Variants in ZNF277 observed in about 807,000 individuals in gnomAD.
ZNF277 encodes zinc finger protein 277.
A neutral mutation model predicts 60.7 loss-of-function variants in ZNF277; 55 were observed. The ratio of observed to expected loss-of-function variants is 0.91; its 90% CI spans 0.73 to 1.13. ZNF277 has a LOEUF of 1.13. Ranked by LOEUF, ZNF277 falls within the 50% of genes most tolerant of loss-of-function variation. The pLI is 0.00. For synonymous variants in ZNF277, 178 were observed against 179.3 expected, an observed-to-expected ratio of 0.99 and a Z score of 0.06; for missense variants, 510 against 523.0, an observed-to-expected ratio of 0.98 and a Z score of 0.24.
At chr7:112,238,384 T>C (rs1487466746) in intron 1 of ZNF277, among the ~76,000 whole-genome samples, 1 of 152,124 alleles carries the variant, frequency 6.6e-6, no homozygotes, top group Non-Finnish European at 1.5e-5. Flanking sequence ...GGGGGAACCA[T>C]CCATTCCAGC....
chr7:112,233,836 G>T (rs1822409261), intron 1 of ZNF277, among the ~76,000 whole-genome samples: 1 of 151,982 alleles, frequency 6.6e-6, no homozygotes, highest in Non-Finnish European at 1.5e-5. Flanking sequence ...ACCTTTTCTA[G>T]TTGTATTCTT....
chr7:112,316,068 G>A (rs1446611221), intron 4 of ZNF277, among the ~76,000 whole-genome samples: 1 of 152,152 alleles, frequency 6.6e-6, no homozygotes, highest in African/African-American at 2.4e-5. Flanking sequence ...TTGGCACCAA[G>A]TAGCTATGCA....
chr7:112,264,094 T>G (rs1791493816), intron 1 of ZNF277, among the ~76,000 whole-genome samples: 1 of 152,136 alleles, frequency 6.6e-6, no homozygotes, highest in African/African-American at 2.4e-5. Context: ...GATAGGAGGC[T>G]TCCAGCTCCT....
intron 5 of ZNF277, among the ~76,000 whole-genome samples, chr7:112,320,811 A>G (rs12113149): frequency 0.42 from 61,623 of 146,246 alleles, 15,617 homozygotes; most frequent in African/African-American, 0.72. Flanking sequence ...TTTGCTATTT[A>G]TTTTCAATAT....
chr7:112,223,305 GGT>G lies in ZNF277; in HGVS notation c.91+16503_91+16504del, dbSNP rs568260266. Among the ~76,000 whole-genome samples the G allele has an allele frequency of 1.2e-3, 188 of 152,218 alleles. 1 individual carries two copies. Among genetic ancestry groups the G allele is most frequent in the Non-Finnish European group, 2.4e-3 (161 of 68,010 alleles). The stretch of plus-strand genomic sequence containing the variant: ...CAAGCTGGCCCAGGGGACTCAGAAT[GGT>G]GTGTCTCCCTCTGTGTCTTTGTTCC... On this transcript the variant is annotated intron_variant, in intron 1 of 11. Coordinates refer to ENST00000361822, the MANE Select transcript of ZNF277 (RefSeq NM_021994.3).
At chr7:112,334,301 A>C (rs984306011) in intron 7 of ZNF277, among the ~76,000 whole-genome samples, 2 of 151,680 alleles carry the variant, frequency 1.3e-5, no homozygotes, top group African/African-American at 4.9e-5. Context: ...GTGTCTGAAC[A>C]TCTTTAGTGA....
chr7:112,264,076 A>G (rs1228387930), intron 1 of ZNF277, among the ~76,000 whole-genome samples: 1 of 152,150 alleles, frequency 6.6e-6, no homozygotes, highest in Non-Finnish European at 1.5e-5. Flanking sequence ...AAAGGTTGAC[A>G]TTGACTAGAT....
intron 1 of ZNF277, among the ~76,000 whole-genome samples, chr7:112,239,150 CCTT>C (rs1028945959): frequency 3.3e-5 from 5 of 152,014 alleles, no homozygotes; most frequent in Non-Finnish European, 5.9e-5. Flanking sequence ...GAGAAAGACT[CCTT>C]CTTGAGGAAA....
At chr7:112,221,127 G>A (rs1269790999) in intron 1 of ZNF277, among the ~76,000 whole-genome samples, 2 of 152,168 alleles carry the variant, frequency 1.3e-5, no homozygotes, top group East Asian at 1.9e-4. Flanking sequence ...CTGATCCAGC[G>A]AGGTGCCCAT....
chr7:112,308,343 C>G (rs1024820811), intron 4 of ZNF277, among the ~76,000 whole-genome samples: 2 of 151,856 alleles, frequency 1.3e-5, no homozygotes, highest in African/African-American at 4.8e-5. Flanking sequence ...AGCGAAACCC[C>G]TTCTCTACTA....
rs1791073586 is a variant in ZNF277 at position 112,245,996 on chromosome 7, GAA to G, written c.91+39191_91+39192del. ...GCATGGTTCCACAACGTAAGGAAGG[GAA>G]AGTCTTCTGTTTTCCTTCTTTGCCC... is the stretch of plus-strand genomic sequence containing the variant. On this transcript the variant is annotated intron_variant, in intron 1 of 11. Transcript: ENST00000361822. 2.6e-5 allele frequency among the ~76,000 whole-genome samples: 4 copies of G among 152,262 alleles called. No homozygotes were observed. The South Asian group carries it at 8.3e-4, about 32-fold the overall frequency.
chr7:112,245,294 G>C (rs1031979317), intron 1 of ZNF277, among the ~76,000 whole-genome samples: 4 of 152,178 alleles, frequency 2.6e-5, no homozygotes, highest in Non-Finnish European at 5.9e-5. Context: ...GATTCTGAGT[G>C]CTAGGGCAAC....
At chr7:112,302,393 CTG>C (rs1436942859) in intron 4 of ZNF277, among the ~76,000 whole-genome samples, 4 of 152,140 alleles carry the variant, frequency 2.6e-5, no homozygotes, top group East Asian at 3.9e-4. Context: ...TGCCAACAAA[CTG>C]AAAGTAAAAA....
At chr7:112,328,491 T>C (rs1335264968) in intron 6 of ZNF277, 1 of 152,140 alleles carries the variant, frequency 6.6e-6, no homozygotes, top group Non-Finnish European at 1.5e-5. Context: ...CAAAATTTTT[T>C]CTCTGAGAAC....
At chr7:112,335,342 A>G (rs1175531310) in intron 7 of ZNF277, among the ~76,000 whole-genome samples, 1 of 152,138 alleles carries the variant, frequency 6.6e-6, no homozygotes, top group Non-Finnish European at 1.5e-5. Flanking sequence ...GATTGGATAG[A>G]AAGAAGACAG....
At chr7:112,341,570 G>A (rs1793445680) in intron 11 of ZNF277, among the ~76,000 whole-genome samples, 3 of 152,210 alleles carry the variant, frequency 2.0e-5, no homozygotes, top group Admixed American at 2.0e-4. Context: ...TTTGCACACT[G>A]CTAGGACTTT....
intron 4 of ZNF277, among the ~76,000 whole-genome samples, chr7:112,315,331 G>A (rs1792820458): frequency 6.6e-6 from 1 of 152,106 alleles, no homozygotes; most frequent in Admixed American, 6.6e-5. Flanking sequence ...TTAAAAGGAA[G>A]AACGGAAGGT....
Position 112,341,061 on chromosome 7 carries a change from A to G in ZNF277, c.1184+15A>G, listed in dbSNP as rs1157858618. On this transcript the variant is annotated intron_variant, in intron 11 of 11. Coordinates refer to ENST00000361822, the MANE Select transcript of ZNF277 (RefSeq NM_021994.3). ...GATCAACTGGAGTACGTACTGCAAA[A>G]CCAAATGTGCACTTCTTACTCCAAC... 1 of 1,561,100 alleles carries G rather than the reference A, an allele frequency of 6.4e-7. No individual in the cohort carries two copies. The highest frequency in any genetic ancestry group is 1.4e-5 in the African/African-American group (1 of 72,934).
At chr7:112,242,155 T>TA (rs1216183997) in intron 1 of ZNF277, among the ~76,000 whole-genome samples, 2 of 151,734 alleles carry the variant, frequency 1.3e-5, no homozygotes, top group South Asian at 4.2e-4. Context: ...ATTTAAAATT[T>TA]AAAAAAAGAT....
Sources: allele counts gnomAD v4.1 joint callset (sites outside exome capture counted in the v4.1 genomes callset), GRCh38; gene constraint gnomAD v4.1.1; transcripts MANE v1.5; gene names NCBI Gene and HGNC (gene_info 2026-07-23, HGNC 2026-07-21).